The following FAM149B1 variants were observed in gnomAD, a reference collection of about 807,000 sequenced individuals.
The protein encoded by FAM149B1 is family with sequence similarity 149 member B1.
In FAM149B1, 56 loss-of-function variants were observed where a neutral mutation model predicts 75.3. That is an observed-to-expected ratio of 0.74 (90% CI 0.60 to 0.93). The LOEUF (loss-of-function observed/expected upper bound fraction) is 0.93, where lower values mean the gene tolerates loss of function less well. FAM149B1 is among the 40% of genes least tolerant of loss of function. The probability of loss-of-function intolerance (pLI) is 0.00; values close to 1 mark genes in which losing one functional copy is unlikely to be tolerated. For synonymous variants in FAM149B1, 259 were observed against 256.1 expected (o/e 1.01, Z -0.11); for missense variants, 639 against 708.4 (o/e 0.90, Z 1.11).
At chr10:73,199,664 C>T (rs2042888726) in intron 5 of FAM149B1, among the ~76,000 whole-genome samples, 1 of 152,214 alleles carries the variant, frequency 6.6e-6, no homozygotes, top group Admixed American at 6.5e-5. Context: ...TGCCACTGTA[C>T]CCAGCCTATT....
At chr10:73,212,759 CCAA>C (rs752307727) in intron 7 of FAM149B1, among the ~76,000 whole-genome samples, 25 of 150,970 alleles carry the variant, frequency 1.7e-4, no homozygotes, top group Non-Finnish European at 2.6e-4. Context: ...CACATCCTTG[CCAA>C]CATCAGTCGT....
chr10:73,202,757 C>T (rs1564696363), intron 5 of FAM149B1, among the ~76,000 whole-genome samples: 1 of 151,396 alleles, frequency 6.6e-6, no homozygotes, highest in African/African-American at 2.4e-5. Flanking sequence ...GTGGTGCAAT[C>T]TCAGCTCATT....
At position 73,244,200 on chromosome 10, in the gene FAM149B1, A is replaced by C. The variant is rs778692278; in HGVS notation, c.*3181A>C. ...TGGCACTCATAAATCACATGATGATAAAAAGGAACATGAGGCCGGGTATGG... is the reference window on the plus strand; with the variant it reads ...TGGCACTCATAAATCACATGATGATCAAAAGGAACATGAGGCCGGGTATGG... On this transcript the variant is annotated 3_prime_UTR_variant, in exon 14 of 14. Transcript: ENST00000242505. 6 of 409,618 alleles carry C rather than the reference A, an allele frequency of 1.5e-5. No individual in the cohort carries two copies. Among genetic ancestry groups the C allele is most frequent in the Non-Finnish European group, 2.6e-5 (6 of 228,996 alleles). 25.4% of individuals were successfully genotyped at this position (409,618 alleles called of 1,614,324 possible). A position where few individuals can be genotyped will look rare whatever the true frequency, so the allele number is the denominator to read the frequency against.
At chr10:73,192,285 G>C (rs1195943820) in intron 3 of FAM149B1, 2 of 217,556 alleles carry the variant, frequency 9.2e-6, no homozygotes, top group African/African-American at 2.5e-5. Context: ...TAAAGTGGTT[G>C]TGATCAATTA....
rs1350621400 is a variant in FAM149B1 at position 73,177,846 on chromosome 10, C to T, written c.153C>T (p.Ser51=). The T allele has an allele frequency of 6.5e-7, 1 of 1,544,110 alleles. No homozygotes were observed. The change falls in exon 3 of 14, where the codon AGC becomes AGT. Residue 51 remains serine (S), a splice_region_variant and synonymous_variant. Transcript: ENST00000242505. ...DSHEKDTSSQ[S]KSDITRESSF... is the part of the protein sequence containing the mutation. The stretch of plus-strand genomic sequence containing the variant: ...TCCTCCTCCCAAATTGTGCCTTTAG[C>T]AAGTCTGACATCACAAGAGAATCAT...
At chr10:73,239,065 G>C (rs970482725) in intron 12 of FAM149B1, 1 of 404,728 alleles carries the variant, frequency 2.5e-6, no homozygotes, top group African/African-American at 2.0e-5. Flanking sequence ...TATAACTCCT[G>C]ATTTCCTTAA....
At chr10:73,230,609 T>C in intron 9 of FAM149B1, 84 bp downstream of exon 9, 1 of 769,220 alleles carries the variant, frequency 1.3e-6, no homozygotes, top group Non-Finnish European at 2.2e-6. Context: ...ATGCATGTAT[T>C]GAGTGCCAAC....
At chr10:73,213,593 C>T (rs2043236803) in intron 7 of FAM149B1, among the ~76,000 whole-genome samples, 1 of 152,090 alleles carries the variant, frequency 6.6e-6, no homozygotes. Context: ...TTAATAGAGT[C>T]CTTTCCCCAG....
rs1225059990 is a variant in FAM149B1 at position 73,241,174 on chromosome 10, A to G, written c.*155A>G. The G allele has an allele frequency of 3.3e-6, 2 of 610,078 alleles. No homozygotes were observed. Among genetic ancestry groups the G allele is most frequent in the Non-Finnish European group, 5.9e-6 (2 of 337,316 alleles). 37.8% of individuals were successfully genotyped at this position (610,078 alleles called of 1,614,324 possible). On this transcript the variant is annotated 3_prime_UTR_variant, in exon 14 of 14. Coordinates refer to ENST00000242505, the MANE Select transcript of FAM149B1 (RefSeq NM_173348.2). ...ACAAGTGACCGAAGAACAAAACACC[A>G]TAGCAGCCAAAAATGACATGAGTGT...
At position 73,230,484 on chromosome 10, in the gene FAM149B1, G is replaced by A; in HGVS notation, c.1086G>A (p.Met362Ile). 6.5e-7 allele frequency: 1 copy of A among 1,548,498 alleles called. No homozygotes were observed. The highest frequency in any genetic ancestry group is 8.7e-7 in the Non-Finnish European group (1 of 1,144,034). ...TGAATGATCTCTTGGTTCATGGAAT[G>A]CCTCTACAGCCAAGAAATCTCTCCC... Reference protein sequence around the residue: ...PNVNDLLVHGMPLQPRNLSLM... With the variant: ...PNVNDLLVHGIPLQPRNLSLM... The change falls in exon 9 of 14, where the codon ATG becomes ATA. Residue 362 changes from methionine to isoleucine, a missense_variant. Coordinates refer to ENST00000242505, the MANE Select transcript of FAM149B1 (RefSeq NM_173348.2).
intron 9 of FAM149B1, among the ~76,000 whole-genome samples, chr10:73,232,311 G>A (rs149468124): frequency 1.6e-4 from 25 of 152,304 alleles, no homozygotes; most frequent in African/African-American, 5.3e-4. Context: ...ACGACTTACA[G>A]AAAAGGGTTG....
intron 7 of FAM149B1, among the ~76,000 whole-genome samples, chr10:73,213,085 G>C (rs1050869435): frequency 2.6e-5 from 4 of 152,082 alleles, no homozygotes; most frequent in Non-Finnish European, 4.4e-5. Context: ...GGGCTCAAGC[G>C]ATCTGCCCGT....
At chr10:73,209,071 A>G (rs1293826756) in intron 6 of FAM149B1, among the ~76,000 whole-genome samples, 1 of 152,182 alleles carries the variant, frequency 6.6e-6, no homozygotes, top group African/African-American at 2.4e-5. Context: ...CCCTTTTGCA[A>G]ATTACCACCA....
rs1301297096 is a variant in FAM149B1, at chr10:73,228,113, C to A, written c.952C>A (p.Leu318Met). The change falls in exon 8 of 14, where the codon CTG (leucine) becomes ATG (methionine). Residue 318 changes from leucine to methionine, a missense_variant. Coordinates refer to ENST00000242505, the MANE Select transcript of FAM149B1 (RefSeq NM_173348.2). Reference protein sequence around the residue: ...TRPDSESSCVLSELHPLVLPR... With the variant: ...TRPDSESSCVMSELHPLVLPR... ...ACCCGATTCAGAAAGTTCCTGTGTG[C>A]TGAGTGAACTACATCCTTTGGTGTT... 1.9e-6 allele frequency: 3 copies of A among 1,550,842 alleles called. No individual in the cohort carries two copies. The highest frequency in any genetic ancestry group is 1.4e-5 in the African/African-American group (1 of 73,022).
intron 3 of FAM149B1, among the ~76,000 whole-genome samples, chr10:73,182,893 C>T (rs180765162): frequency 9.9e-5 from 15 of 152,176 alleles, no homozygotes; most frequent in Non-Finnish European, 2.1e-4. Context: ...TGTTACACTG[C>T]CAGAGTAACT....
chr10:73,192,682 A>C lies in FAM149B1; in HGVS notation c.409A>C (p.Ser137Arg). Residue 137 changes from serine to arginine, a missense_variant, in exon 4 of 14, where the codon AGC becomes CGC. Physicochemically the swap from Ser to Arg is moderately radical, Grantham distance 110. Transcript: ENST00000242505. ...AGAAGAGTGCCAACAGTGGACAGCT[A>C]GCTTTCCTCACCTCAGGTACTGAAG... is the stretch of plus-strand genomic sequence containing the variant. ...LQEECQQWTA[S>R]FPHLRILGRQ... The C allele has an allele frequency of 1.9e-6, 3 of 1,546,978 alleles. No individual in the cohort carries two copies. The highest frequency in any genetic ancestry group is 2.6e-6 in the Non-Finnish European group (3 of 1,146,024).
At chr10:73,174,493 A>T (rs916177495) in intron 1 of FAM149B1, among the ~76,000 whole-genome samples, 194 bp from the exon 2 acceptor site, 7 of 152,212 alleles carry the variant, frequency 4.6e-5, no homozygotes, top group Non-Finnish European at 1.0e-4. Flanking sequence ...AAGTATTGCA[A>T]ATTCTTCTTG....
chr10:73,200,500 G>A, intron 5 of FAM149B1: 1 of 630,954 alleles, frequency 1.6e-6, no homozygotes, highest in Non-Finnish European at 2.9e-6. Flanking sequence ...GAGAATGTGT[G>A]ATATGTTAAA....
Position 73,243,384 on chromosome 10 carries a change from G to A in FAM149B1, c.*2365G>A. ...CATCAATTTACACCTAAGGACCTTT[G>A]AAGAGAAAAATTCCATTATTTCTTT... On this transcript the variant is annotated 3_prime_UTR_variant, in exon 14 of 14. Transcript: ENST00000242505. 6.2e-7 allele frequency: 1 copy of A among 1,612,572 alleles called. No individual in the cohort carries two copies. Among genetic ancestry groups the A allele is most frequent in the Non-Finnish European group, 8.5e-7 (1 of 1,179,776 alleles).
Sources: allele counts gnomAD v4.1 joint callset (sites outside exome capture counted in the v4.1 genomes callset), GRCh38; gene constraint gnomAD v4.1.1; transcripts MANE v1.5; gene names NCBI Gene and HGNC (gene_info 2026-07-23, HGNC 2026-07-21).